Variants in ROBO2 observed in about 807,000 individuals in gnomAD.
ROBO2 encodes the protein roundabout guidance receptor 2.
In ROBO2, 53 loss-of-function variants were observed where a neutral mutation model predicts 160.8. The ratio of observed to expected loss-of-function variants is 0.33; its 90% CI spans 0.26 to 0.41. ROBO2 has a LOEUF of 0.41. ROBO2 is among the 10% of genes least tolerant of loss of function. The probability of loss-of-function intolerance (pLI) is 1.00; values close to 1 mark genes in which losing one functional copy is unlikely to be tolerated. For synonymous variants in ROBO2, 664 were observed against 611.7 expected, an observed-to-expected ratio of 1.09 and a Z score of -1.26; for missense variants, 1,577 against 1,722.4, an observed-to-expected ratio of 0.92 and a Z score of 1.49.
At position 77,481,232 on chromosome 3, in the gene ROBO2, T is replaced by A; in HGVS notation, c.667+13T>A. 25 of 1,509,206 alleles carry A rather than the reference T, an allele frequency of 1.7e-5. No homozygotes were observed. The highest frequency in any genetic ancestry group is 2.2e-5 in the Non-Finnish European group (25 of 1,134,766). The allele number at this position is 1,509,206 out of a possible 1,614,324, so 93.5% of individuals were successfully genotyped here. On this transcript the variant is annotated intron_variant, in intron 4 of 25. Coordinates refer to ENST00000461745, the Ensembl canonical transcript of ROBO2. ...CTGACTGTCTTTGGTAAAACTTTCTTCTAAATTATAAATTTTTATTTTTAT... is the reference window on the plus strand; with the variant it reads ...CTGACTGTCTTTGGTAAAACTTTCTACTAAATTATAAATTTTTATTTTTAT...
chr3:77,403,573 AGTGT>A (rs57545425), intron 2 of ROBO2, among the ~76,000 whole-genome samples: 29,629 of 129,116 alleles, frequency 0.23, 3,231 homozygotes, highest in East Asian at 0.28. Flanking sequence ...TAGTTATTTC[AGTGT>A]GTGTGTGTGT....
chr3:77,632,293 G>T, intron 23 of ROBO2: 1 of 508,686 alleles, frequency 2.0e-6, no homozygotes, highest in Non-Finnish European at 3.5e-6. Context: ...TTTCAAATGA[G>T]CTTCATTCTT....
At chr3:76,841,587 T>A (rs1164516119) in intron 2 of ROBO2, among the ~76,000 whole-genome samples, 1 of 151,694 alleles carries the variant, frequency 6.6e-6, no homozygotes, top group African/African-American at 2.4e-5. Flanking sequence ...ATAAATCCAA[T>A]TTCATTAGTT....
chr3:76,458,637 C>T lies in ROBO2; in HGVS notation c.109+521035C>T, dbSNP rs148410845. 3.4e-4 allele frequency among the ~76,000 whole-genome samples: 51 copies of T among 152,204 alleles called. No individual in the cohort carries two copies. In the East Asian group the frequency reaches 7.4e-3, roughly 22 times the overall value. ...AATTTACCGTATTATTCTGTTTTCA[C>T]GCTGCTGATAAAGACATATCCAAGA... On this transcript the variant is annotated intron_variant, in intron 2 of 26. Coordinates refer to the ROBO2 transcript ENST00000487694.
intron 2 of ROBO2, among the ~76,000 whole-genome samples, chr3:75,955,331 T>C (rs1948684143): frequency 6.6e-6 from 1 of 151,824 alleles, no homozygotes; most frequent in Admixed American, 6.6e-5. Flanking sequence ...AATAGAACTT[T>C]GCATAGAATA....
chr3:76,355,615 A>C (rs2075115566), intron 2 of ROBO2, among the ~76,000 whole-genome samples: 1 of 151,736 alleles, frequency 6.6e-6, no homozygotes, highest in Non-Finnish European at 1.5e-5. Context: ...CTAACACTGA[A>C]ATTGGAATCA....
At position 76,639,288 on chromosome 3, in the gene ROBO2, ATATATGTATGTGTG is replaced by A. The variant is rs148388223; in HGVS notation, c.110-458716_110-458703del. 3.4e-3 allele frequency among the ~76,000 whole-genome samples: 515 copies of A among 151,902 alleles called. 3 individuals carry two copies. Among genetic ancestry groups the A allele is most frequent in the African/African-American group, 0.012 (494 of 41,318 alleles). ...TTTATATGTACATATACATATAGGT[ATATATGTATGTGTG>A]TATATGTATCTATATGGACATGTAT... On this transcript the variant is annotated intron_variant, in intron 2 of 26. Transcript: ENST00000487694.
intron 2 of ROBO2, among the ~76,000 whole-genome samples, chr3:77,296,623 A>G (rs1345332291): frequency 6.6e-6 from 1 of 152,120 alleles, no homozygotes; most frequent in Non-Finnish European, 1.5e-5. Flanking sequence ...CCTTTAGAGT[A>G]TCCCCAGGTG....
At chr3:76,654,643 A>G (rs1430537333) in intron 2 of ROBO2, among the ~76,000 whole-genome samples, 1 of 152,098 alleles carries the variant, frequency 6.6e-6, no homozygotes, top group Non-Finnish European at 1.5e-5. Context: ...AAGGGTGACA[A>G]GATCTGTGCT....
At chr3:76,580,440 G>A (rs963058295) in intron 2 of ROBO2, among the ~76,000 whole-genome samples, 4 of 141,576 alleles carry the variant, frequency 2.8e-5, no homozygotes, top group Non-Finnish European at 6.0e-5. Context: ...GGCCTACTAC[G>A]TGATCATACC....
intron 2 of ROBO2, among the ~76,000 whole-genome samples, chr3:77,458,905 A>G (rs951707468): frequency 6.6e-6 from 1 of 152,134 alleles, no homozygotes; most frequent in African/African-American, 2.4e-5. Context: ...AATCCTGGCC[A>G]CTTTTATTAA....
chr3:77,184,306 C>T (rs1450530731), intron 2 of ROBO2, among the ~76,000 whole-genome samples: 3 of 151,812 alleles, frequency 2.0e-5, no homozygotes, highest in African/African-American at 7.3e-5. Context: ...ATTCATTTAC[C>T]AAAAAATTTT....
intron 2 of ROBO2, among the ~76,000 whole-genome samples, chr3:76,775,041 A>C (rs1163535833): frequency 6.6e-6 from 1 of 150,852 alleles, no homozygotes; most frequent in African/African-American, 2.4e-5. Context: ...ATAAAAATAT[A>C]TACAGTAAAA....
intron 4 of ROBO2, among the ~76,000 whole-genome samples, chr3:77,481,684 A>G (rs2084711590): frequency 6.6e-6 from 1 of 152,186 alleles, no homozygotes; most frequent in South Asian, 2.1e-4. Flanking sequence ...TATACTATGT[A>G]TGCACACATA....
At chr3:75,980,106 C>T (rs556410261) in intron 2 of ROBO2, among the ~76,000 whole-genome samples, 5 of 151,652 alleles carry the variant, frequency 3.3e-5, no homozygotes, top group Admixed American at 2.0e-4. Flanking sequence ...AGTTGAAGTG[C>T]TCACTTTCCA....
intron 2 of ROBO2, among the ~76,000 whole-genome samples, chr3:77,353,263 G>A (rs1049697501): frequency 6.6e-6 from 1 of 152,108 alleles, no homozygotes; most frequent in African/African-American, 2.4e-5. Context: ...CAAACATTTG[G>A]GGTGCTGTCA....
At chr3:76,343,439 A>T (rs2074347694) in intron 2 of ROBO2, among the ~76,000 whole-genome samples, 1 of 152,060 alleles carries the variant, frequency 6.6e-6, no homozygotes, top group African/African-American at 2.4e-5. Flanking sequence ...AAGGTGATTT[A>T]TCTGAGGAAT....
intron 2 of ROBO2, among the ~76,000 whole-genome samples, chr3:77,111,998 G>T (rs934858799): frequency 6.6e-6 from 1 of 151,898 alleles, no homozygotes; most frequent in African/African-American, 2.4e-5. Context: ...GGTCGCTTGA[G>T]CCCAGGCGTT....
intron 2 of ROBO2, among the ~76,000 whole-genome samples, chr3:76,816,562 T>G (rs1334032131): frequency 6.6e-6 from 1 of 152,054 alleles, no homozygotes. Flanking sequence ...GTGATGTTTG[T>G]CATGCTCAAG....
Sources: gnomAD v4.1 joint callset for allele counts (sites outside exome capture counted in the v4.1 genomes callset) on GRCh38, gnomAD v4.1.1 for gene constraint, MANE v1.5 for transcripts, NCBI Gene and HGNC (gene_info 2026-07-23, HGNC 2026-07-21) for gene names.